TTN: variants seen among roughly 807,000 people sequenced by gnomAD.
TTN encodes connectin.
A neutral mutation model predicts 3,223.0 loss-of-function variants in TTN; 1,525 were observed. The observed-to-expected ratio is 0.47, with a 90% CI of 0.45 to 0.49. TTN has a LOEUF of 0.49. Among genes scored for constraint, TTN ranks in the 20% least tolerant of loss-of-function variants. TTN has a pLI of 0.00. For missense variants in TTN, 40,786 were observed against 43,424.0 expected (o/e 0.94, Z 5.40); for synonymous variants, 14,094 against 15,161.0 (o/e 0.93, Z 5.17).
Position 178,571,341 on chromosome 2 carries a change from C to T in TTN, c.74791G>A (p.Glu24931Lys), listed in dbSNP as rs369679134. 22 of 1,613,302 alleles carry T rather than the reference C, an allele frequency of 1.4e-5. No homozygotes were observed. The highest frequency in any genetic ancestry group is 2.2e-5 in the East Asian group (1 of 44,808). The change falls in exon 326 of 363, where the codon GAG (glutamate) becomes AAG (lysine). Residue 24931 changes from glutamate to lysine, a missense_variant. By Grantham distance (56) the Glu-to-Lys change is moderately conservative. Coordinates refer to ENST00000589042, the MANE Select transcript of TTN (RefSeq NM_001267550.2). Reference sequence around the variant, plus strand: ...CTACTTCCTCCATCACTGATTGGCTCATTCCATTGTACTTCCATGCTGTCC... The same window carrying T: ...CTACTTCCTCCATCACTGATTGGCTTATTCCATTGTACTTCCATGCTGTCC... The part of the protein sequence containing the change: ...SRDSMEVQWN[E>K]PISDGGSRVI...
rs1706388578 is a variant in TTN at position 178,567,621 on chromosome 2, C to T, written c.78511G>A (p.Ala26171Thr). Residue 26171 changes from alanine (A) to threonine (T), a missense_variant, in exon 326 of 363, where the codon GCA (alanine) becomes ACA (threonine). Physicochemically the swap from Ala to Thr is moderately conservative, Grantham distance 58. Coordinates refer to ENST00000589042, the MANE Select transcript of TTN (RefSeq NM_001267550.2). ...GTACTGTCAGAGGGTTTACTTATTG[C>T]ACCAGCTGCATTCTTTGCAATGACT... ...FRVIAKNAAG[A>T]ISKPSDSTGP... 3 of 1,611,844 alleles carry T rather than the reference C, an allele frequency of 1.9e-6. No homozygotes were observed. Among genetic ancestry groups the T allele is most frequent in the Admixed American group, 1.7e-5 (1 of 59,874 alleles).
chr2:178,746,552 G>A (rs572156117), intron 47 of TTN: 3 of 1,613,152 alleles, frequency 1.9e-6, no homozygotes, highest in South Asian at 1.1e-5. Flanking sequence ...TACTGGAGGT[G>A]GTAGTGCCAC....
In TTN at chr2:178,759,083, C is replaced by T. The variant is rs766262957; in HGVS notation, c.10204G>A (p.Glu3402Lys). Reference protein sequence around the residue: ...MTQFEDTYQLEIAEAYPEDEG... With the variant: ...MTQFEDTYQLKIAEAYPEDEG... ...TCTTCTGGATAAGCTTCGGCAATTTCCAGTTGATAAGTGTCTTCAAATTGA... is the reference window on the plus strand; with the variant it reads ...TCTTCTGGATAAGCTTCGGCAATTTTCAGTTGATAAGTGTCTTCAAATTGA... Residue 3402 changes from glutamate to lysine, a missense_variant, in exon 44 of 363, where the codon GAA (glutamate) becomes AAA (lysine). Transcript: ENST00000589042. 30 of 1,613,880 alleles carry T rather than the reference C, an allele frequency of 1.9e-5. No individual in the cohort carries two copies. The highest frequency in any genetic ancestry group is 5.3e-5 in the African/African-American group (4 of 74,904).
intron 2 of TTN, 83 bp downstream of exon 2, chr2:178,804,469 T>C (rs2094217649): frequency 2.9e-6 from 4 of 1,360,522 alleles, no homozygotes; most frequent in Non-Finnish European, 3.1e-6. Context: ...GGCTTAAACT[T>C]GGCGTCAAGT....
chr2:178,604,337 G>A (rs1158751343), intron 281 of TTN, 32 bp from the exon 282 acceptor site: 1 of 1,412,146 alleles, frequency 7.1e-7, no homozygotes, highest in East Asian at 2.4e-5. Context: ...ATTTATTGAA[G>A]AGAATATACT....
chr2:178,717,496 A>T, intron 87 of TTN, 27 bp downstream of exon 87: 1 of 1,572,694 alleles, frequency 6.4e-7, no homozygotes, highest in African/African-American at 1.4e-5. Flanking sequence ...CTGCTTTACA[A>T]TGAAGAGGGT....
chr2:178,551,392 A>G, intron 335 of TTN, 132 bp from the exon 336 acceptor site: 2 of 760,596 alleles, frequency 2.6e-6, no homozygotes, highest in Non-Finnish European at 3.7e-6. Flanking sequence ...AATTTATTCA[A>G]TCTCCCAAAC....
chr2:178,601,067 G>C lies in TTN; in HGVS notation c.55837C>G (p.His18613Asp). ...PKNDGGSPVTHYIVECLAWDP... is the reference protein window; with the variant it reads ...PKNDGGSPVTDYIVECLAWDP... ...CATGCAAGGCACTCAACAATATAGT[G>C]GGTAACAGGGGAGCCCCCATCATTC... is the stretch of plus-strand genomic sequence containing the variant. The change falls in exon 288 of 363, where the codon CAC becomes GAC. Residue 18613 changes from histidine (H) to aspartate (D), a missense_variant. Physicochemically the swap from His to Asp is moderately conservative, Grantham distance 81. Coordinates refer to ENST00000589042, the MANE Select transcript of TTN (RefSeq NM_001267550.2). The C allele has an allele frequency of 6.2e-7, 1 of 1,611,452 alleles. No individual in the cohort carries two copies. The highest frequency in any genetic ancestry group is 1.1e-5 in the South Asian group (1 of 90,740).
In TTN at chr2:178,741,201, CA is replaced by C; in HGVS notation, c.12031del (p.Cys4011ValfsTer25). On this transcript the variant is annotated frameshift_variant, in exon 48 of 363. Coordinates refer to ENST00000589042, the MANE Select transcript of TTN (RefSeq NM_001267550.2). LOFTEE classifies it high-confidence loss of function. ...CTCACCCAACATATTCTCTGCTTTA[CA>C]GATATAGAGGCCACTGTCTTCCCTC... ...PQREDSGLYI[C>X]KAENMLGEST... is the part of the protein sequence containing the mutation. The C allele has an allele frequency of 6.2e-7, 1 of 1,613,348 alleles. No individual in the cohort carries two copies. Among genetic ancestry groups the C allele is most frequent in the East Asian group, 2.2e-5 (1 of 44,848 alleles).
rs1700800543 is a variant in TTN, at chr2:178,554,938, A to G, written c.88521T>C (p.Asn29507=). ...TTAGTTTTAATTCATAGCATCCACT[A>G]TTAAGGCGATCGGCATCTTTGATGA... The part of the protein sequence containing the change: ...SILIKDADRL[N]SGCYELKLRN... The change falls in exon 331 of 363, where the codon AAT becomes AAC. Residue 29507 remains asparagine (N), a synonymous_variant. Coordinates refer to ENST00000589042, the MANE Select transcript of TTN (RefSeq NM_001267550.2). The G allele has an allele frequency of 6.2e-6, 10 of 1,613,732 alleles. No individual in the cohort carries two copies. The highest frequency in any genetic ancestry group is 2.2e-5 in the East Asian group (1 of 44,820).
chr2:178,745,957 C>G, intron 47 of TTN: 1 of 1,609,840 alleles, frequency 6.2e-7, no homozygotes. Context: ...CTTTGCTTTT[C>G]TTTGCTATCA....
rs1162932422 is a variant in TTN at position 178,725,783 on chromosome 2, T to A, written c.20539A>T (p.Thr6847Ser). 2 of 1,602,256 alleles carry A rather than the reference T, an allele frequency of 1.2e-6. No individual in the cohort carries two copies. The highest frequency in any genetic ancestry group is 1.7e-6 in the Non-Finnish European group (2 of 1,173,100). Residue 6847 changes from threonine (T) to serine (S), a missense_variant, in exon 70 of 363, where the codon ACT becomes TCT. Transcript: ENST00000589042. ...NEVGSDTCVC[T>S]VKLKEPPRFV... ...CTATATTTACCTTTCAATTTTACAG[T>A]ACAAACACAAGTATCACTTCCCACT...
In TTN at chr2:178,732,943, T is replaced by A; in HGVS notation, c.16233A>T (p.Thr5411=). Reference sequence around the variant, plus strand: ...CTACTCTGATGATCTCCAAAGAGGCTGTGCCTTCCACAAATGCTATCCTGT... The same window carrying A: ...CTACTCTGATGATCTCCAAAGAGGCAGTGCCTTCCACAAATGCTATCCTGT... The part of the protein sequence containing the change: ...DRYRIAFVEG[T]ASLEIIRVDM... Residue 5411 remains threonine, a synonymous_variant, in exon 55 of 363, where the codon ACA becomes ACT. Coordinates refer to ENST00000589042, the MANE Select transcript of TTN (RefSeq NM_001267550.2). 1 of 1,613,606 alleles carries A rather than the reference T, an allele frequency of 6.2e-7. No individual in the cohort carries two copies. The highest frequency in any genetic ancestry group is 8.5e-7 in the Non-Finnish European group (1 of 1,179,746).
intron 10 of TTN, among the ~76,000 whole-genome samples, chr2:178,791,110 C>G (rs762161914): frequency 6.6e-6 from 1 of 152,130 alleles, no homozygotes; most frequent in Non-Finnish European, 1.5e-5. Flanking sequence ...TTAGGGAACC[C>G]GGTGGGTGGC....
Position 178,570,670 on chromosome 2 carries a change from G to A in TTN, c.75462C>T (p.Asn25154=). The A allele has an allele frequency of 1.2e-6, 2 of 1,613,472 alleles. No individual in the cohort carries two copies. The highest frequency in any genetic ancestry group is 3.3e-4 in the Middle Eastern group (2 of 6,050). ...QWIKGDQELS[N]TARLEIKSTD... is the part of the protein sequence containing the mutation. ...TGCTCTTTATTTCTAATCGAGCTGT[G>A]TTTGAAAGCTCCTGATCACCTTTTA... Residue 25154 remains asparagine (N), a synonymous_variant, in exon 326 of 363, where the codon AAC becomes AAT. Transcript: ENST00000589042.
intron 40 of TTN, 101 bp downstream of exon 40, chr2:178,767,658 A>C: frequency 6.6e-7 from 1 of 1,516,104 alleles, no homozygotes; most frequent in Non-Finnish European, 9.0e-7. Context: ...AATTCTTTAA[A>C]GGATGGTGGT....
At position 178,619,658 on chromosome 2, in the gene TTN, G is replaced by C. The variant is rs876657606; in HGVS notation, c.46659C>G (p.Ala15553=). The change falls in exon 250 of 363, where the codon GCC becomes GCG. Residue 15553 remains alanine (A), a synonymous_variant. Coordinates refer to ENST00000589042, the MANE Select transcript of TTN (RefSeq NM_001267550.2). Reference sequence around the variant, plus strand: ...GCTTAGCTCTGGCTTCTTTGTCTTTGGCAATAAATCTGTATTCACCCTGGT... The same window carrying C: ...GCTTAGCTCTGGCTTCTTTGTCTTTCGCAATAAATCTGTATTCACCCTGGT... ...PRDQGEYRFI[A]KDKEARAKLE... is the part of the protein sequence containing the mutation. The C allele has an allele frequency of 6.2e-7, 1 of 1,612,014 alleles. No individual in the cohort carries two copies. Among genetic ancestry groups the C allele is most frequent in the Non-Finnish European group, 8.5e-7 (1 of 1,178,792 alleles).
chr2:178,694,573 T>G, intron 117 of TTN, 26 bp downstream of exon 117: 1 of 1,532,224 alleles, frequency 6.5e-7, no homozygotes, highest in Non-Finnish European at 8.8e-7. Flanking sequence ...ATTTTGAACT[T>G]GTAGCTGAAA....
chr2:178,652,092 T>C lies in TTN; in HGVS notation c.39295+4A>G, dbSNP rs1042851548. ...AACACTAATTTGAATAGTTTCATTA[T>C]TACCTTCAGGGGGAGGACTTTCCGG... On this transcript the variant is annotated splice_donor_region_variant and intron_variant, in intron 204 of 362. Transcript: ENST00000589042. 4 of 1,613,334 alleles carry C rather than the reference T, an allele frequency of 2.5e-6. No homozygotes were observed. The highest frequency in any genetic ancestry group is 2.5e-6 in the Non-Finnish European group (3 of 1,179,678).
Sources: allele counts gnomAD v4.1 joint callset (sites outside exome capture counted in the v4.1 genomes callset), GRCh38; gene constraint gnomAD v4.1.1; transcripts MANE v1.5; gene names NCBI Gene and HGNC (gene_info 2026-07-23, HGNC 2026-07-21).